Variants in DDX10 observed in about 807,000 individuals in gnomAD.
DDX10 encodes the protein DEAD-box helicase 10.
DDX10 carries 74 observed loss-of-function variants against 104.3 expected under a neutral mutation model. That is an observed-to-expected ratio of 0.71 (90% CI 0.59 to 0.86). The LOEUF (loss-of-function observed/expected upper bound fraction) is 0.86. Ranked by LOEUF, DDX10 falls within the 40% of genes least tolerant of loss-of-function variation. The pLI is 0.00. For synonymous variants in DDX10, 351 were observed against 353.4 expected, an observed-to-expected ratio of 0.99 and a Z score of 0.08; for missense variants, 952 against 1,040.0, an observed-to-expected ratio of 0.92 and a Z score of 1.16.
At chr11:108,727,355 TTTTTCCCTGTTATGATATTAG>T (rs1175774986) in intron 13 of DDX10, among the ~76,000 whole-genome samples, 2 of 152,120 alleles carry the variant, frequency 1.3e-5, no homozygotes, top group Non-Finnish European at 2.9e-5. Context: ...CTTACACATA[TTTTTCCCTGTTATGATATTAG>T]TCTCTTTCCT....
intron 17 of DDX10, among the ~76,000 whole-genome samples, chr11:108,938,723 C>T (rs949492311): frequency 1.3e-5 from 2 of 152,154 alleles, no homozygotes; most frequent in Non-Finnish European, 2.9e-5. Context: ...ATAGTGCCAT[C>T]TAGTTTGTCT....
At chr11:108,690,741 A>T in intron 7 of DDX10, 1 of 218,216 alleles carries the variant, frequency 4.6e-6, no homozygotes, top group Admixed American at 5.1e-5. Flanking sequence ...AGGACCTCAG[A>T]CTCCTTGATG....
At chr11:108,844,085 T>C (rs1481386276) in intron 15 of DDX10, among the ~76,000 whole-genome samples, 1 of 152,198 alleles carries the variant, frequency 6.6e-6, no homozygotes, top group African/African-American at 2.4e-5. Context: ...CTGACGAAGT[T>C]GTGAGAGAAA....
chr11:108,793,148 ACT>A (rs1861893741), intron 13 of DDX10, among the ~76,000 whole-genome samples: 1 of 151,948 alleles, frequency 6.6e-6, no homozygotes, highest in East Asian at 1.9e-4. Context: ...ACCTCTAATT[ACT>A]CTCTCTGTTG....
chr11:108,690,095 T>C (rs1272270117), intron 7 of DDX10, among the ~76,000 whole-genome samples: 1 of 151,772 alleles, frequency 6.6e-6, no homozygotes, highest in East Asian at 1.9e-4. Flanking sequence ...CGATTTTAGA[T>C]TTTCAAAGCT....
chr11:108,915,684 A>G (rs1863738329), intron 16 of DDX10, among the ~76,000 whole-genome samples: 1 of 152,172 alleles, frequency 6.6e-6, no homozygotes, highest in Non-Finnish European at 1.5e-5. Context: ...CAAAAAGTTC[A>G]TTGATATGGT....
chr11:108,811,568 T>C (rs920242677), intron 13 of DDX10, among the ~76,000 whole-genome samples: 6 of 152,226 alleles, frequency 3.9e-5, no homozygotes, highest in Admixed American at 3.3e-4. Context: ...TTAAATATTA[T>C]TTTTTAATGT....
intron 16 of DDX10, among the ~76,000 whole-genome samples, chr11:108,858,654 G>A (rs1184373346): frequency 2.0e-5 from 3 of 152,142 alleles, no homozygotes; most frequent in African/African-American, 7.2e-5. Flanking sequence ...AGTAAACTCT[G>A]TAGGCAATCA....
chr11:108,744,318 G>A lies in DDX10; in HGVS notation c.1965+20856G>A, dbSNP rs570894779. Among the ~76,000 whole-genome samples, 9 of 152,182 alleles carry A rather than the reference G, an allele frequency of 5.9e-5. No individual in the cohort carries two copies. In the South Asian group the frequency reaches 1.7e-3, roughly 28 times the overall value. On this transcript the variant is annotated intron_variant, in intron 13 of 17. Coordinates refer to ENST00000322536, the MANE Select transcript of DDX10 (RefSeq NM_004398.4). ...TGCCTAAAAATGGTTATTTAATGAG[G>A]CCATTTATGTCCCTCGTTTCTCAGG...
intron 13 of DDX10, among the ~76,000 whole-genome samples, chr11:108,772,699 GTGAGCGGGCATTACCGCC>G (rs1172025163): frequency 3.9e-5 from 6 of 152,342 alleles, no homozygotes; most frequent in South Asian, 2.1e-4. Context: ...GGCCAGGCGG[GTGAGCGGGCATTACCGCC>G]TGAGCTCCGT....
Position 108,805,926 on chromosome 11 carries a change from A to G in DDX10, c.1966-32520A>G, listed in dbSNP as rs181832099. Reference sequence around the variant, plus strand: ...ATAATAAACTATAATCTTTCTAAAAATTGTTTACACATTTTAAACTTTTTT... The same window carrying G: ...ATAATAAACTATAATCTTTCTAAAAGTTGTTTACACATTTTAAACTTTTTT... On this transcript the variant is annotated intron_variant, in intron 13 of 17. Coordinates refer to ENST00000322536, the MANE Select transcript of DDX10 (RefSeq NM_004398.4). 8.0e-3 allele frequency among the ~76,000 whole-genome samples: 1,215 copies of G among 152,274 alleles called. 15 individuals are homozygous for G. Among genetic ancestry groups the G allele is most frequent in the African/African-American group, 0.028 (1,161 of 41,578 alleles).
At chr11:108,709,635 C>A (rs1459563520) in intron 10 of DDX10, among the ~76,000 whole-genome samples, 1 of 152,088 alleles carries the variant, frequency 6.6e-6, no homozygotes, top group Non-Finnish European at 1.5e-5. Flanking sequence ...TTCCTTCTTT[C>A]ATTTCTAATA....
intron 16 of DDX10, among the ~76,000 whole-genome samples, chr11:108,879,492 A>G (rs944972150): frequency 6.6e-6 from 1 of 152,244 alleles, no homozygotes; most frequent in African/African-American, 2.4e-5. Flanking sequence ...GGTAATTTCT[A>G]CATTGCTCCC....
At position 108,810,554 on chromosome 11, in the gene DDX10, G is replaced by A. The variant is rs568685096; in HGVS notation, c.1966-27892G>A. Among the ~76,000 whole-genome samples, 32 of 152,186 alleles carry A rather than the reference G, an allele frequency of 2.1e-4. 1 individual carries two copies. Among genetic ancestry groups the A allele is most frequent in the Admixed American group, 1.9e-3 (29 of 15,276 alleles). On this transcript the variant is annotated intron_variant, in intron 13 of 17. Transcript: ENST00000322536. The stretch of plus-strand genomic sequence containing the variant: ...GTAGTGACAGTGTTGAGAGTGGTGC[G>A]AAATTTATTTACAACCTACTGATTG...
At chr11:108,887,952 GC>G (rs199892369) in intron 16 of DDX10, among the ~76,000 whole-genome samples, 13 of 63,222 alleles carry the variant, frequency 2.1e-4, no homozygotes, top group African/African-American at 5.3e-4. Context: ...AAGAAATACA[GC>G]TTTTTTCCCC....
Position 108,803,360 on chromosome 11 carries a change from G to A in DDX10, c.1966-35086G>A, listed in dbSNP as rs1255154998. ...TGTAATCCAAGCACTTTGGGAGGCC[G>A]AGGTGGGCGGATCACCTGCGGTCGT... On this transcript the variant is annotated intron_variant, in intron 13 of 17. Transcript: ENST00000322536. Among the ~76,000 whole-genome samples the A allele has an allele frequency of 2.6e-5, 4 of 151,676 alleles. 1 individual carries two copies. The highest frequency in any genetic ancestry group is 2.0e-4 in the Admixed American group (3 of 15,264).
At chr11:108,924,152 C>G (rs1256667961) in intron 17 of DDX10, among the ~76,000 whole-genome samples, 4 of 151,892 alleles carry the variant, frequency 2.6e-5, no homozygotes, top group Non-Finnish European at 5.9e-5. Context: ...TGTTCATTAT[C>G]CAGTCAAATT....
chr11:108,751,618 A>G (rs1371773393), intron 13 of DDX10, among the ~76,000 whole-genome samples: 2 of 152,200 alleles, frequency 1.3e-5, no homozygotes, highest in East Asian at 1.9e-4. Context: ...AAGGGGGCCT[A>G]TGACAAGAGG....
chr11:108,795,877 C>T (rs1861934312), intron 13 of DDX10, among the ~76,000 whole-genome samples: 1 of 152,164 alleles, frequency 6.6e-6, no homozygotes, highest in African/African-American at 2.4e-5. Context: ...ATGGCTGGGT[C>T]AAATGGTAAT....
Sources: allele counts gnomAD v4.1 joint callset (sites outside exome capture counted in the v4.1 genomes callset), GRCh38; gene constraint gnomAD v4.1.1; transcripts MANE v1.5; gene names NCBI Gene and HGNC (gene_info 2026-07-23, HGNC 2026-07-21).